IL18BP: variants seen among roughly 807,000 people sequenced by gnomAD.
IL18BP encodes the protein interleukin 18 binding protein, also known as interleukin-18-binding protein.
IL18BP carries 23 observed loss-of-function variants against 19.9 expected under a neutral mutation model. The observed-to-expected ratio is 1.15, with a 90% CI of 0.83 to 1.64. IL18BP has a LOEUF of 1.64. Among genes scored for constraint, IL18BP ranks in the 40% most tolerant of loss-of-function variants. IL18BP has a pLI of 0.00. For synonymous variants in IL18BP, 107 were observed against 101.0 expected (o/e 1.06, Z -0.35); for missense variants, 239 against 240.7 (o/e 0.99, Z 0.05).
intron 5 of IL18BP, 101 bp downstream of exon 5, chr11:72,001,653 C>G: frequency 1.3e-6 from 2 of 1,599,984 alleles, no homozygotes; most frequent in Non-Finnish European, 1.7e-6. Context: ...TGAACTAATG[C>G]CCAGCATTCC....
downstream of IL18BP, chr11:72,004,444 G>A: frequency 8.0e-7 from 1 of 1,242,348 alleles, no homozygotes; most frequent in Non-Finnish European, 1.2e-6. Context: ...AAGTCAACGT[G>A]CAACCTGCTC....
At chr11:72,003,381 G>A (rs1158655063), downstream of IL18BP, 2 of 790,700 alleles carry the variant, frequency 2.5e-6, no homozygotes, top group East Asian at 2.5e-5. Context: ...GACCAGGCCA[G>A]GGTGCGGGCA....
At chr11:72,004,421 G>C (rs2134359234), downstream of IL18BP, 1 of 1,360,770 alleles carries the variant, frequency 7.3e-7, no homozygotes, top group Non-Finnish European at 1.0e-6. Context: ...TCTCAGAGCT[G>C]AGTGGACCTT....
downstream of IL18BP, chr11:72,003,623 C>T: frequency 6.4e-7 from 1 of 1,553,194 alleles, no homozygotes; most frequent in Non-Finnish European, 8.9e-7. Context: ...TTCCTGCTCC[C>T]ACGCCCCTGT....
At position 72,001,333 on chromosome 11, in the gene IL18BP, C is replaced by G. The variant is rs200348567; in HGVS notation, c.359+9C>G. 1 of 1,614,164 alleles carries G rather than the reference C, an allele frequency of 6.2e-7. No individual in the cohort carries two copies. The highest frequency in any genetic ancestry group is 8.5e-7 in the Non-Finnish European group (1 of 1,180,038). On this transcript the variant is annotated intron_variant, in intron 4 of 5. Coordinates refer to ENST00000393703, the MANE Select transcript of IL18BP (RefSeq NM_001039660.2). ...TGGGAGGGGAGCACCAGGTGAGGGT[C>G]GCAGCAGCCAGGTGGGTGGGAAGGA...
downstream of IL18BP, chr11:72,004,810 G>C: frequency 6.4e-7 from 1 of 1,572,162 alleles, no homozygotes; most frequent in Non-Finnish European, 8.6e-7. Flanking sequence ...CCCAGGCTCA[G>C]GGAAGGCTGC....
downstream of IL18BP, chr11:72,003,582 C>G (rs1483511694): frequency 6.2e-7 from 1 of 1,613,406 alleles, no homozygotes. Context: ...ACTTGCGATA[C>G]TAGCCTGCAC....
rs1590831699 is a variant in IL18BP at position 72,001,268 on chromosome 11, G to A, written c.303G>A (p.Leu101=). ...CCAACTTCAGCATCCTCTACTGGCT[G>A]GGCAATGGTTCCTTCATTGAGCACC... ...RFPNFSILYW[L]GNGSFIEHLP... The change falls in exon 4 of 6, where the codon CTG becomes CTA. Residue 101 remains leucine, a synonymous_variant. Transcript: ENST00000393703. 6.2e-7 allele frequency: 1 copy of A among 1,614,240 alleles called. No homozygotes were observed. The highest frequency in any genetic ancestry group is 2.2e-5 in the East Asian group (1 of 44,880).
chr11:72,006,065 G>C (rs1314856123), downstream of IL18BP: 10 of 1,613,520 alleles, frequency 6.2e-6, no homozygotes, highest in Non-Finnish European at 8.5e-6. Flanking sequence ...ACCCCGGCCT[G>C]GGAACGACGA....
At chr11:72,003,585 GCCTGCACCCACTGGCTGGGAAGATCTCTT>G (rs1955415102), downstream of IL18BP, 1 of 1,612,696 alleles carries the variant, frequency 6.2e-7, no homozygotes, top group South Asian at 1.1e-5. Context: ...TGCGATACTA[GCCTGCACCCACTGGCTGGGAAGATCTCTT>G]CCTGCTCCCA....
Position 72,002,025 on chromosome 11 carries a change from TC to T in IL18BP, c.*167del. 1.0e-6 allele frequency: 1 copy of T among 977,708 alleles called. No individual in the cohort carries two copies. Among genetic ancestry groups the T allele is most frequent in the Non-Finnish European group, 1.5e-6 (1 of 660,124 alleles). The allele number at this position is 977,708 out of a possible 1,614,324, so 60.6% of individuals were successfully genotyped here. ...TTCTCTCACCAAATTCAAACTCCAT[TC>T]CCACCTACCTAGAAAATCACAGCCT... On this transcript the variant is annotated 3_prime_UTR_variant, in exon 6 of 6. Coordinates refer to ENST00000393703, the MANE Select transcript of IL18BP (RefSeq NM_001039660.2).
downstream of IL18BP, chr11:72,003,610 C>T: frequency 1.3e-6 from 2 of 1,577,882 alleles, no homozygotes; most frequent in Non-Finnish European, 1.7e-6. Flanking sequence ...CTGGGAAGAT[C>T]TCTTCCTGCT....
intron 2 of IL18BP, 38 bp downstream of exon 2, chr11:72,000,050 G>A (rs1955128088): frequency 6.2e-7 from 1 of 1,611,818 alleles, no homozygotes; most frequent in Non-Finnish European, 8.5e-7. Context: ...GCGGGGTAGG[G>A]TGAGGTCTAT....
At position 72,000,635 on chromosome 11, in the gene IL18BP, C is replaced by T. The variant is rs150486448; in HGVS notation, c.235+78C>T. 1.1e-4 allele frequency: 133 copies of T among 1,229,704 alleles called. No individual in the cohort carries two copies. The African/African-American group carries it at 1.8e-3, about 16-fold the overall frequency. The allele number at this position is 1,229,704 out of a possible 1,614,324, so 76.2% of individuals were successfully genotyped here. On this transcript the variant is annotated intron_variant, in intron 3 of 5. Transcript: ENST00000393703. ...CGGGTTGACTCCTGAGCGCCAGTCC[C>T]CTTCTGCCCATGTACCACCAGCTGA...
At chr11:72,007,665 G>C, downstream of IL18BP, 2 of 584,222 alleles carry the variant, frequency 3.4e-6, no homozygotes, top group African/African-American at 1.9e-5. Flanking sequence ...CCCAGACCCA[G>C]ATGTCCCATC....
chr11:72,006,975 TAGTC>T (rs1289383071), downstream of IL18BP, among the ~76,000 whole-genome samples: 3 of 152,202 alleles, frequency 2.0e-5, no homozygotes, highest in African/African-American at 4.8e-5. Flanking sequence ...ATGCTAGCCT[TAGTC>T]AGGAGGCAGG....
In IL18BP at chr11:72,001,966, G is replaced by A. The variant is rs914119518; in HGVS notation, c.*105G>A. ...GACTGCCTGTAGGCTGCGTGGATGC[G>A]CAACACACCCCCTCCTTCTCTGCTT... On this transcript the variant is annotated 3_prime_UTR_variant, in exon 6 of 6. Transcript: ENST00000393703. 1.1e-5 allele frequency: 17 copies of A among 1,492,936 alleles called. No homozygotes were observed. Among genetic ancestry groups the A allele is most frequent in the Middle Eastern group, 2.0e-4 (1 of 5,048 alleles). The allele number at this position is 1,492,936 out of a possible 1,614,324, so 92.5% of individuals were successfully genotyped here.
At chr11:72,001,117 G>A in intron 3 of IL18BP, 84 bp from the exon 4 acceptor site, 3 of 1,545,618 alleles carry the variant, frequency 1.9e-6, no homozygotes, top group Non-Finnish European at 2.7e-6. Flanking sequence ...GGGGACTGGG[G>A]GGAGCTGGCA....
intron 2 of IL18BP, 56 bp from the exon 3 acceptor site, chr11:72,000,294 AC>A (rs1955141842): frequency 1.4e-6 from 2 of 1,476,158 alleles, no homozygotes; most frequent in Non-Finnish European, 1.9e-6. Flanking sequence ...TTACATCCTT[AC>A]CCGGGCAGCC....
Sources: allele counts gnomAD v4.1 joint callset (sites outside exome capture counted in the v4.1 genomes callset), GRCh38; gene constraint gnomAD v4.1.1; transcripts MANE v1.5; gene names NCBI Gene and HGNC (gene_info 2026-07-23, HGNC 2026-07-21).